Variants in DCBLD2 observed in about 807,000 individuals in gnomAD.
The protein encoded by DCBLD2 is discoidin, CUB and LCCL domain containing 2, also known as discoidin, CUB and LCCL domain-containing protein 2.
A neutral mutation model predicts 86.8 loss-of-function variants in DCBLD2; 54 were observed. The ratio of observed to expected loss-of-function variants is 0.62; its 90% CI spans 0.50 to 0.78. The LOEUF is 0.78. Ranked by LOEUF, DCBLD2 falls within the 30% of genes least tolerant of loss-of-function variation. DCBLD2 has a pLI of 0.00. For missense variants in DCBLD2, 908 were observed against 954.2 expected, an observed-to-expected ratio of 0.95 and a Z score of 0.64; for synonymous variants, 354 against 341.3, an observed-to-expected ratio of 1.04 and a Z score of -0.41.
At chr3:98,841,275 T>G (rs1299959281) in intron 3 of DCBLD2, among the ~76,000 whole-genome samples, 1 of 152,166 alleles carries the variant, frequency 6.6e-6, no homozygotes, top group African/African-American at 2.4e-5. Flanking sequence ...ACGTCAGGTT[T>G]TCTGAAAACA....
At chr3:98,812,287 T>C (rs1418986512) in intron 10 of DCBLD2, 45 bp downstream of exon 10, 2 of 1,601,928 alleles carry the variant, frequency 1.2e-6, no homozygotes, top group South Asian at 1.1e-5. Flanking sequence ...CCATTTTAAA[T>C]TGGCAATCCA....
intron 1 of DCBLD2, among the ~76,000 whole-genome samples, chr3:98,894,695 A>G (rs1454734661): frequency 2.0e-5 from 3 of 152,074 alleles, no homozygotes; most frequent in Non-Finnish European, 4.4e-5. Context: ...CGGCTCCTGA[A>G]CTGACCACTA....
chr3:98,816,794 CA>C (rs1236423166), intron 9 of DCBLD2, among the ~76,000 whole-genome samples: 1 of 151,524 alleles, frequency 6.6e-6, no homozygotes, highest in Non-Finnish European at 1.5e-5. Context: ...CTTTTTTTTC[CA>C]CTTTGAGACA....
chr3:98,859,676 A>T (rs190978767), intron 2 of DCBLD2, among the ~76,000 whole-genome samples: 1 of 152,248 alleles, frequency 6.6e-6, no homozygotes, highest in African/African-American at 2.4e-5. Flanking sequence ...GACTGTTAAA[A>T]GGAAAATTAA....
In DCBLD2 at chr3:98,817,785, C is replaced by A. The variant is rs1445950125; in HGVS notation, c.1196G>T (p.Gly399Val). ...TCATTTTACCTTATCTTGCTCCACA[C>A]CAGGCTCTCTGTACACAGTCCATTT... is the stretch of plus-strand genomic sequence containing the variant. ...GQKWTVYREP[G>V]VEQDKIFQGN... Residue 399 changes from glycine to valine, a missense_variant, in exon 9 of 16, where the codon GGT becomes GTT. Physicochemically the swap from Gly to Val is moderately radical, Grantham distance 109. Coordinates refer to ENST00000326840, the MANE Select transcript of DCBLD2 (RefSeq NM_080927.4). 2 of 1,613,608 alleles carry A rather than the reference C, an allele frequency of 1.2e-6. No individual in the cohort carries two copies. Among genetic ancestry groups the A allele is most frequent in the Admixed American group, 3.3e-5 (2 of 59,996 alleles).
At chr3:98,852,196 T>C (rs1942852337) in intron 2 of DCBLD2, among the ~76,000 whole-genome samples, 1 of 152,186 alleles carries the variant, frequency 6.6e-6, no homozygotes, top group African/African-American at 2.4e-5. Flanking sequence ...CAATGTGTGT[T>C]TACTTGTAAA....
intron 2 of DCBLD2, among the ~76,000 whole-genome samples, chr3:98,857,872 C>T (rs1942965656): frequency 6.6e-6 from 1 of 152,272 alleles, no homozygotes; most frequent in Non-Finnish European, 1.5e-5. Flanking sequence ...TAAAGGTTCT[C>T]CAAGTCCCCA....
At chr3:98,878,810 T>C (rs747253906) in intron 2 of DCBLD2, among the ~76,000 whole-genome samples, 3 of 152,064 alleles carry the variant, frequency 2.0e-5, no homozygotes, top group Admixed American at 6.5e-5. Context: ...ATGAGGAGAA[T>C]AGGAAAAAGC....
chr3:98,841,229 G>A (rs1455235434), intron 3 of DCBLD2, among the ~76,000 whole-genome samples: 1 of 152,166 alleles, frequency 6.6e-6, no homozygotes, highest in African/African-American at 2.4e-5. Flanking sequence ...GAATACAAAT[G>A]TGAAGGCAAG....
intron 3 of DCBLD2, among the ~76,000 whole-genome samples, chr3:98,849,134 A>G (rs151228519): frequency 1.1e-4 from 16 of 150,908 alleles, no homozygotes; most frequent in Middle Eastern, 3.4e-3. Context: ...ACACCACTGC[A>G]CTCCAGCCTG....
intron 1 of DCBLD2, among the ~76,000 whole-genome samples, chr3:98,885,141 G>A (rs13087631): frequency 0.061 from 9,281 of 151,918 alleles, 344 homozygotes; most frequent in Non-Finnish European, 0.071. Context: ...TAGGGGGAGG[G>A]CAGGAACAGT....
At chr3:98,846,921 TGATA>T (rs565791142) in intron 3 of DCBLD2, among the ~76,000 whole-genome samples, 250 of 152,262 alleles carry the variant, frequency 1.6e-3, no homozygotes, top group Admixed American at 6.5e-3. Context: ...ACCTTCAACT[TGATA>T]AATAACAGAG....
chr3:98,871,292 C>T (rs1000251647), intron 2 of DCBLD2, among the ~76,000 whole-genome samples: 3 of 152,146 alleles, frequency 2.0e-5, no homozygotes, highest in African/African-American at 7.2e-5. Context: ...TCTTGCCTGA[C>T]TGTTCTAGCT....
At chr3:98,886,819 T>C (rs1348959441) in intron 1 of DCBLD2, among the ~76,000 whole-genome samples, 1 of 145,880 alleles carries the variant, frequency 6.9e-6, no homozygotes, top group African/African-American at 2.4e-5. Flanking sequence ...CTTTTTTTTT[T>C]TTTTTTACTA....
At chr3:98,857,074 T>C (rs1262370344) in intron 2 of DCBLD2, among the ~76,000 whole-genome samples, 3 of 152,200 alleles carry the variant, frequency 2.0e-5, no homozygotes, top group African/African-American at 7.2e-5. Context: ...GATGTTCGGA[T>C]GTGTTTGGAG....
intron 13 of DCBLD2, among the ~76,000 whole-genome samples, chr3:98,805,289 G>A (rs2107425462): frequency 6.6e-6 from 1 of 151,802 alleles, no homozygotes; most frequent in Non-Finnish European, 1.5e-5. Context: ...ACACTTGAAT[G>A]GAAAAGAAAT....
chr3:98,877,643 A>G (rs1943394689), intron 2 of DCBLD2, among the ~76,000 whole-genome samples: 2 of 152,168 alleles, frequency 1.3e-5, no homozygotes, highest in South Asian at 4.1e-4. Context: ...TACTAAATCT[A>G]TTTGTTGATA....
intron 3 of DCBLD2, among the ~76,000 whole-genome samples, chr3:98,834,981 T>A (rs200017627): frequency 0.039 from 4,090 of 104,146 alleles, no homozygotes; most frequent in African/African-American, 0.16. Context: ...TTTTTTTTTT[T>A]TATTTTTTTG....
At chr3:98,893,876 A>G (rs1378635656) in intron 1 of DCBLD2, among the ~76,000 whole-genome samples, 6 of 152,182 alleles carry the variant, frequency 3.9e-5, no homozygotes, top group Admixed American at 6.5e-5. Context: ...CGGCTGTACA[A>G]ATCAGCTTTA....
Sources: gnomAD v4.1 joint callset for allele counts (sites outside exome capture counted in the v4.1 genomes callset) on GRCh38, gnomAD v4.1.1 for gene constraint, MANE v1.5 for transcripts, NCBI Gene and HGNC (gene_info 2026-07-23, HGNC 2026-07-21) for gene names.